Variants in RICTOR observed in about 807,000 individuals in gnomAD.
RICTOR encodes the protein RPTOR independent companion of MTOR complex 2, also known as rapamycin-insensitive companion of mTOR.
RICTOR carries 49 observed loss-of-function variants against 214.9 expected under a neutral mutation model. That is an observed-to-expected ratio of 0.23 (90% CI 0.18 to 0.29). The LOEUF (loss-of-function observed/expected upper bound fraction) is 0.29, where lower values mean the gene tolerates loss of function less well. Ranked by LOEUF, RICTOR falls within the 10% of genes least tolerant of loss-of-function variation. RICTOR has a pLI of 1.00. For synonymous variants in RICTOR, 717 were observed against 711.3 expected (o/e 1.01, Z -0.13); for missense variants, 1,625 against 2,047.0 (o/e 0.79, Z 3.98).
chr5:38,960,350 C>A (rs1749689779), intron 20 of RICTOR, 48 bp downstream of exon 20: 2 of 1,584,932 alleles, frequency 1.3e-6, no homozygotes, highest in East Asian at 2.2e-5. Flanking sequence ...GTAAGGGAAG[C>A]AAATTCAATA....
In RICTOR at chr5:38,938,270, A is replaced by G; in HGVS notation, c.*4034T>C. 4.4e-6 allele frequency: 1 copy of G among 227,644 alleles called. No homozygotes were observed. Among genetic ancestry groups the G allele is most frequent in the East Asian group, 6.4e-5 (1 of 15,694 alleles). The allele number at this position is 227,644 out of a possible 1,614,324, so 14.1% of individuals were successfully genotyped here. ...AAAGAAGAAACTCATGTGGTTAGAG[A>G]GCATTAAGTCTGAGATTTTTTTCAC... On this transcript the variant is annotated 3_prime_UTR_variant, in exon 38 of 38. Coordinates refer to ENST00000357387, the MANE Select transcript of RICTOR (RefSeq NM_152756.5).
rs1185724390 is a variant in RICTOR at position 38,967,314 on chromosome 5, A to G, written c.1151+23T>C. On this transcript the variant is annotated intron_variant, in intron 13 of 37. Transcript: ENST00000357387. ...AAAACCCGAATTCTAATAAATTGAA[A>G]CCCTTTTTATTTTAAATTCTACCTG... The G allele has an allele frequency of 2.5e-6, 4 of 1,601,508 alleles. No homozygotes were observed. The African/African-American group carries it at 4.0e-5, about 16-fold the overall frequency.
chr5:38,950,434 A>T lies in RICTOR; in HGVS notation c.3414T>A (p.Ser1138Arg), dbSNP rs752437491. Residue 1138 changes from serine to arginine, a missense_variant, in exon 31 of 38, where the codon AGT becomes AGA. Ser to Arg is a moderately radical substitution (Grantham distance 110). Coordinates refer to ENST00000357387, the MANE Select transcript of RICTOR (RefSeq NM_152756.5). ...NRRIRTLTEP[S>R]VDFNHSDDFT... is the part of the protein sequence containing the mutation. ...AATCATCACTATGATTAAAATCAAC[A>T]CTGGGCTCCGTAAGTGTTCTGATTC... 1 of 1,613,518 alleles carries T rather than the reference A, an allele frequency of 6.2e-7. No homozygotes were observed. The highest frequency in any genetic ancestry group is 1.1e-5 in the South Asian group (1 of 91,062).
intron 3 of RICTOR, among the ~76,000 whole-genome samples, chr5:39,014,639 G>T (rs1048784516): frequency 1.3e-5 from 2 of 151,952 alleles, no homozygotes; most frequent in Non-Finnish European, 2.9e-5. Flanking sequence ...TAAAAAGCAG[G>T]TCTTTAGATT....
intron 2 of RICTOR, among the ~76,000 whole-genome samples, chr5:39,025,958 T>C (rs568458747): frequency 1.4e-4 from 22 of 152,256 alleles, no homozygotes; most frequent in African/African-American, 4.6e-4. Flanking sequence ...CAAGCTGAGA[T>C]TGACATGATT....
intron 29 of RICTOR, 44 bp from the exon 30 acceptor site, chr5:38,952,469 G>A (rs1299073780): frequency 7.5e-7 from 1 of 1,326,406 alleles, no homozygotes; most frequent in Admixed American, 1.8e-5. Flanking sequence ...ATTCCAAGCT[G>A]AGATTTCTTA....
chr5:38,989,656 A>G (rs1292738276), intron 7 of RICTOR, among the ~76,000 whole-genome samples: 1 of 152,210 alleles, frequency 6.6e-6, no homozygotes, highest in African/African-American at 2.4e-5. Context: ...CAAATTTACA[A>G]GAAAAAAACA....
chr5:39,035,254 T>A (rs1291542801), intron 2 of RICTOR, among the ~76,000 whole-genome samples: 1 of 152,190 alleles, frequency 6.6e-6, no homozygotes, highest in African/African-American at 2.4e-5. Context: ...GACCTGCAGC[T>A]GAGGGTCCTG....
At chr5:39,035,492 GAGA>G (rs1477481372) in intron 2 of RICTOR, among the ~76,000 whole-genome samples, 1 of 152,218 alleles carries the variant, frequency 6.6e-6, no homozygotes, top group Non-Finnish European at 1.5e-5. Context: ...GACGAGTTGA[GAGA>G]AGAAGGCTTC....
intron 2 of RICTOR, among the ~76,000 whole-genome samples, chr5:39,068,067 T>G (rs1759027123): frequency 6.6e-6 from 1 of 151,808 alleles, no homozygotes; most frequent in African/African-American, 2.4e-5. Flanking sequence ...AAATAATAAA[T>G]AAAGACGTAA....
chr5:39,073,323 A>G (rs578201798), intron 2 of RICTOR, among the ~76,000 whole-genome samples: 3 of 152,350 alleles, frequency 2.0e-5, no homozygotes, highest in Admixed American at 6.5e-5. Context: ...ATAATGTCGA[A>G]TAAACTCTAG....
intron 2 of RICTOR, among the ~76,000 whole-genome samples, chr5:39,033,667 C>A (rs1756434618): frequency 6.6e-6 from 1 of 152,020 alleles, no homozygotes; most frequent in African/African-American, 2.4e-5. Flanking sequence ...GAAAAAGAGA[C>A]ACCGGGGACT....
intron 2 of RICTOR, among the ~76,000 whole-genome samples, chr5:39,028,540 T>G (rs1448405132): frequency 6.6e-6 from 1 of 152,190 alleles, no homozygotes; most frequent in Non-Finnish European, 1.5e-5. Context: ...TAAAGAACTG[T>G]TGGCAACATA....
intron 7 of RICTOR, among the ~76,000 whole-genome samples, chr5:38,988,067 G>C (rs569390248): frequency 6.6e-6 from 1 of 152,162 alleles, no homozygotes; most frequent in East Asian, 1.9e-4. Context: ...TGTAGCCTGA[G>C]AGACTGTCTT....
At chr5:38,963,375 C>A (rs923787973) in intron 16 of RICTOR, among the ~76,000 whole-genome samples, 3 of 151,820 alleles carry the variant, frequency 2.0e-5, no homozygotes, top group Non-Finnish European at 4.4e-5. Flanking sequence ...TTGCTTTTCA[C>A]GTATAAATCC....
chr5:38,941,022 A>G lies in RICTOR; in HGVS notation c.*1282T>C. ...AGATCTCAAAAAAGATAATCCTTTC[A>G]TTTACAAGCATTCAAATGATGGCCA... On this transcript the variant is annotated 3_prime_UTR_variant, in exon 38 of 38. Coordinates refer to ENST00000357387, the MANE Select transcript of RICTOR (RefSeq NM_152756.5). The G allele has an allele frequency of 4.3e-6, 1 of 232,864 alleles. No homozygotes were observed. Among genetic ancestry groups the G allele is most frequent in the East Asian group, 6.1e-5 (1 of 16,384 alleles). 14.4% of individuals were successfully genotyped at this position (232,864 alleles called of 1,614,324 possible). A position where few individuals can be genotyped will look rare whatever the true frequency, so the allele number is the denominator to read the frequency against.
chr5:39,031,029 C>T (rs1184063318), intron 2 of RICTOR, among the ~76,000 whole-genome samples: 5 of 152,136 alleles, frequency 3.3e-5, no homozygotes, highest in African/African-American at 1.2e-4. Context: ...GCTTTAGTTC[C>T]TGTCATTATC....
In RICTOR at chr5:38,957,839, G is replaced by A. The variant is rs1749410509; in HGVS notation, c.2421-109C>T. On this transcript the variant is annotated intron_variant, in intron 24 of 37. Coordinates refer to ENST00000357387, the MANE Select transcript of RICTOR (RefSeq NM_152756.5). ...AGTATAAGGAGCTAAAAGACTTTAG[G>A]AATAGTTCGTTCCTAAAACTAAAAG... 10 of 570,270 alleles carry A rather than the reference G, an allele frequency of 1.8e-5. No homozygotes were observed. In the South Asian group the frequency reaches 2.5e-4, roughly 14 times the overall value. The allele number at this position is 570,270 out of a possible 1,614,324, so 35.3% of individuals were successfully genotyped here. A position where few individuals can be genotyped will look rare whatever the true frequency, so the allele number is the denominator to read the frequency against.
chr5:38,964,540 A>G (rs1409126754), intron 16 of RICTOR, among the ~76,000 whole-genome samples: 1 of 151,916 alleles, frequency 6.6e-6, no homozygotes, highest in Non-Finnish European at 1.5e-5. Context: ...TTTTAGTAAT[A>G]TGATAACCAT....
Sources: allele counts gnomAD v4.1 joint callset (sites outside exome capture counted in the v4.1 genomes callset), GRCh38; gene constraint gnomAD v4.1.1; transcripts MANE v1.5; gene names NCBI Gene and HGNC (gene_info 2026-07-23, HGNC 2026-07-21).